WDR89: variants seen among roughly 807,000 people sequenced by gnomAD.
The protein encoded by WDR89 is WD repeat domain 89, also known as WD repeat-containing protein 89.
WDR89 carries 17 observed loss-of-function variants against 29.1 expected under a neutral mutation model. The observed-to-expected ratio is 0.58, with a 90% confidence interval of 0.40 to 0.88. WDR89 has a LOEUF of 0.88. Among genes scored for constraint, WDR89 ranks in the 40% least tolerant of loss-of-function variants. The probability of loss-of-function intolerance (pLI) is 0.00; values close to 1 mark genes in which losing one functional copy is unlikely to be tolerated. For missense variants in WDR89, 396 were observed against 456.3 expected (o/e 0.87, Z 1.20); for synonymous variants, 138 against 157.8 (o/e 0.87, Z 0.94).
At chr14:63,634,405 C>T (rs972951595) in intron 1 of WDR89, among the ~76,000 whole-genome samples, 47 of 151,948 alleles carry the variant, frequency 3.1e-4, no homozygotes, top group African/African-American at 1.1e-3. Flanking sequence ...GCCTGTAATC[C>T]CAGCTACTCT....
chr14:63,638,769 T>G (rs1277226285), intron 1 of WDR89, among the ~76,000 whole-genome samples: 1 of 152,224 alleles, frequency 6.6e-6, no homozygotes, highest in Non-Finnish European at 1.5e-5. Context: ...TGTGAATTTG[T>G]TTTTCTCTTA....
intron 2 of WDR89, chr14:63,618,055 G>C (rs1882430473): frequency 6.6e-6 from 1 of 152,110 alleles, no homozygotes; most frequent in South Asian, 2.1e-4. Flanking sequence ...GCTCGCTTCT[G>C]CAGCATATAT....
intron 1 of WDR89, among the ~76,000 whole-genome samples, chr14:63,635,593 C>T (rs1486396727): frequency 6.6e-6 from 1 of 152,170 alleles, no homozygotes; most frequent in Non-Finnish European, 1.5e-5. Flanking sequence ...ACTCTCACCA[C>T]TCCTCCTCAA....
intron 2 of WDR89, 31 bp from the exon 3 acceptor site, chr14:63,600,004 ATTAATGC>A: frequency 2.4e-6 from 3 of 1,251,560 alleles, no homozygotes; most frequent in Admixed American, 3.3e-5. Flanking sequence ...AAAAATAAAA[ATTAATGC>A]TTAACAAGGG....
intron 2 of WDR89, among the ~76,000 whole-genome samples, chr14:63,620,897 C>CAAAAAAAAAAAAAA (rs539451063): frequency 6.5e-4 from 54 of 82,842 alleles, no homozygotes; most frequent in African/African-American, 2.6e-3. Context: ...GACTCCATCT[C>CAAAAAAAAAAAAAA]AAAAAAAAAA....
At chr14:63,615,575 T>C (rs533593160) in intron 2 of WDR89, among the ~76,000 whole-genome samples, 6 of 152,324 alleles carry the variant, frequency 3.9e-5, no homozygotes, top group Middle Eastern at 3.4e-3. Flanking sequence ...AGTTAGAAAC[T>C]GATAAGCTCT....
chr14:63,633,117 T>C (rs985797107), intron 1 of WDR89, among the ~76,000 whole-genome samples: 1 of 152,176 alleles, frequency 6.6e-6, no homozygotes, highest in Non-Finnish European at 1.5e-5. Context: ...AGCACTCATA[T>C]ACCACTAGGT....
rs1380429407 is a variant in WDR89 at position 63,599,150 on chromosome 14, C to A, written c.793G>T (p.Glu265Ter). The A allele has an allele frequency of 6.2e-7, 1 of 1,613,144 alleles. No homozygotes were observed. Among genetic ancestry groups the A allele is most frequent in the South Asian group, 1.1e-5 (1 of 91,020 alleles). ...GCATCTTCTTTCATGTTAACTACTT[C>A]TCTGACATCCTGGATGTTCAAACGT... is the stretch of plus-strand genomic sequence containing the variant. ...VTRLNIQDVR[E>*]VVNMKEDALD... The change falls in exon 3 of 3, where the codon GAA (glutamate) becomes TAA (stop). Residue 265 changes from glutamate (E) to a stop codon, truncating the protein, a stop_gained. Transcript: ENST00000620954. LOFTEE classifies it high-confidence loss of function.
intron 2 of WDR89, among the ~76,000 whole-genome samples, 176 bp from the exon 3 acceptor site, chr14:63,600,149 T>C (rs1894993217): frequency 6.6e-6 from 1 of 152,208 alleles, no homozygotes; most frequent in East Asian, 1.9e-4. Flanking sequence ...ATCATTTCCT[T>C]CCTATGATGT....
At chr14:63,631,070 T>C (rs529266081) in intron 1 of WDR89, among the ~76,000 whole-genome samples, 2 of 152,372 alleles carry the variant, frequency 1.3e-5, no homozygotes, top group Admixed American at 6.5e-5. Flanking sequence ...CAGCCTGTAC[T>C]GTCTATTTCA....
chr14:63,603,509 T>A (rs747664979), intron 2 of WDR89, among the ~76,000 whole-genome samples: 9 of 152,228 alleles, frequency 5.9e-5, no homozygotes, highest in Admixed American at 2.0e-4. Flanking sequence ...TGTAAAACAG[T>A]CCTTTTCTAT....
At position 63,598,589 on chromosome 14, in the gene WDR89, T is replaced by C; in HGVS notation, c.*190A>G. The C allele has an allele frequency of 4.6e-6, 2 of 434,518 alleles. No homozygotes were observed. The highest frequency in any genetic ancestry group is 7.8e-6 in the Non-Finnish European group (2 of 256,626). The allele number at this position is 434,518 out of a possible 1,614,324, so 26.9% of individuals were successfully genotyped here. A position where few individuals can be genotyped will look rare whatever the true frequency, so the allele number is the denominator to read the frequency against. Reference sequence around the variant, plus strand: ...TTTTACTTTCAACTCACTGATTTTATACTTAGAGGCTTTAAAATTTTTTAG... The same window carrying C: ...TTTTACTTTCAACTCACTGATTTTACACTTAGAGGCTTTAAAATTTTTTAG... On this transcript the variant is annotated 3_prime_UTR_variant, in exon 3 of 3. Transcript: ENST00000620954.
At chr14:63,627,710 G>A (rs1046341165) in intron 1 of WDR89, among the ~76,000 whole-genome samples, 3 of 152,004 alleles carry the variant, frequency 2.0e-5, no homozygotes, top group African/African-American at 7.3e-5. Context: ...TAAACACATG[G>A]AGTTCCTCTA....
rs140358322 is a variant in WDR89, at chr14:63,627,895, A to C, written c.-137-2862T>G. Among the ~76,000 whole-genome samples, 301 of 152,202 alleles carry C rather than the reference A, an allele frequency of 2.0e-3. 1 individual carries two copies. The highest frequency in any genetic ancestry group is 6.5e-3 in the African/African-American group (270 of 41,538). ...TGAGCCCAGGAGGTCGAGTAGAGAA[A>C]GTTATTTCAATACTTGACTGGAAAT... On this transcript the variant is annotated intron_variant, in intron 1 of 2. Coordinates refer to ENST00000620954, the MANE Select transcript of WDR89 (RefSeq NM_080666.4).
At chr14:63,636,405 G>C (rs1047242046) in intron 1 of WDR89, among the ~76,000 whole-genome samples, 7 of 152,112 alleles carry the variant, frequency 4.6e-5, no homozygotes, top group African/African-American at 1.7e-4. Flanking sequence ...CACAGAACTA[G>C]AAAAAACAAT....
chr14:63,630,986 C>T (rs527500337), intron 1 of WDR89, among the ~76,000 whole-genome samples: 2 of 152,134 alleles, frequency 1.3e-5, no homozygotes, highest in South Asian at 4.1e-4. Flanking sequence ...CACTATGTTG[C>T]CAGACCTGGT....
At chr14:63,617,042 T>G (rs1595027127) in intron 2 of WDR89, among the ~76,000 whole-genome samples, 1 of 151,554 alleles carries the variant, frequency 6.6e-6, no homozygotes, top group Non-Finnish European at 1.5e-5. Flanking sequence ...AAGGTAAATA[T>G]GTTGTTGGTA....
intron 2 of WDR89, among the ~76,000 whole-genome samples, chr14:63,616,700 C>G (rs1388390609): frequency 6.6e-6 from 1 of 152,094 alleles, no homozygotes; most frequent in East Asian, 1.9e-4. Context: ...GTAACTGGAG[C>G]CAGAGGAGAG....
intron 1 of WDR89, among the ~76,000 whole-genome samples, chr14:63,627,586 A>G (rs1341138399): frequency 2.0e-5 from 3 of 152,138 alleles, no homozygotes; most frequent in African/African-American, 7.2e-5. Context: ...GCTCATCCTG[A>G]ACCTTTATCA....
Sources: allele counts gnomAD v4.1 joint callset (sites outside exome capture counted in the v4.1 genomes callset), GRCh38; gene constraint gnomAD v4.1.1; transcripts MANE v1.5; gene names NCBI Gene and HGNC (gene_info 2026-07-23, HGNC 2026-07-21).